Variants in MAP2 observed in about 807,000 individuals in gnomAD.
The protein encoded by MAP2 is microtubule associated protein 2.
Under a neutral mutation model 137.6 loss-of-function variants are expected in MAP2, and 14 were observed. The observed-to-expected ratio is 0.10, with a 90% CI of 0.07 to 0.16. MAP2 has a LOEUF of 0.16. Ranked by LOEUF, MAP2 falls within the 10% of genes least tolerant of loss-of-function variation. The probability of loss-of-function intolerance (pLI) is 1.00; values close to 1 mark genes in which losing one functional copy is unlikely to be tolerated. For synonymous variants in MAP2, 786 were observed against 782.3 expected (o/e 1.00, Z -0.08); for missense variants, 2,088 against 2,191.5 (o/e 0.95, Z 0.94).
At chr2:209,505,265 T>C (rs895126462) in intron 1 of MAP2, among the ~76,000 whole-genome samples, 1 of 152,162 alleles carries the variant, frequency 6.6e-6, no homozygotes, top group Admixed American at 6.6e-5. Context: ...TAACATAATA[T>C]GTTTAAGTCC....
intron 1 of MAP2, among the ~76,000 whole-genome samples, chr2:209,454,166 A>G (rs1313394245): frequency 2.0e-5 from 3 of 151,164 alleles, no homozygotes; most frequent in African/African-American, 7.3e-5. Context: ...AAAAAAAAAA[A>G]AAAAAAAAAA....
chr2:209,579,748 A>T (rs2075978243), intron 2 of MAP2: 1 of 152,184 alleles, frequency 6.6e-6, no homozygotes, highest in Non-Finnish European at 1.5e-5. Flanking sequence ...ATTGCTGCAT[A>T]TGCGCTGGTA....
intron 3 of MAP2, among the ~76,000 whole-genome samples, chr2:209,621,641 A>G (rs2091232989): frequency 6.6e-6 from 1 of 152,166 alleles, no homozygotes; most frequent in African/African-American, 2.4e-5. Flanking sequence ...GAAGGAAACT[A>G]AAGAGTATAT....
At chr2:209,550,508 C>G (rs2068958200) in intron 2 of MAP2, among the ~76,000 whole-genome samples, 1 of 152,046 alleles carries the variant, frequency 6.6e-6, no homozygotes, top group Non-Finnish European at 1.5e-5. Flanking sequence ...AATTCCTACA[C>G]TTGATATTTA....
At chr2:209,677,006 G>C (rs1217632596) in intron 5 of MAP2, among the ~76,000 whole-genome samples, 1 of 151,134 alleles carries the variant, frequency 6.6e-6, no homozygotes, top group East Asian at 1.9e-4. Flanking sequence ...ATTTTCTGTA[G>C]CCCTTTTTGT....
rs1400032961 is a variant in MAP2 at position 209,693,972 on chromosome 2, G to A, written c.1802G>A (p.Ser601Asn). The part of the protein sequence containing the change: ...DYYELSDTRE[S>N]VHESIDTMSP... Reference sequence around the variant, plus strand: ...TATGAACTGAGTGACACTAGAGAAAGTGTCCATGAGTCTATTGATACCATG... The same window carrying A: ...TATGAACTGAGTGACACTAGAGAAAATGTCCATGAGTCTATTGATACCATG... Residue 601 changes from serine (S) to asparagine (N), a missense_variant, in exon 8 of 16, where the codon AGT (serine) becomes AAT (asparagine). Around this residue, in one of 6 missense-constraint regions of MAP2, gnomAD observed 859 missense variants for 794.5 expected, o/e 1.08. Coordinates refer to ENST00000682079, the MANE Select transcript of MAP2 (RefSeq NM_001375505.1). 6.2e-7 allele frequency: 1 copy of A among 1,613,780 alleles called. No individual in the cohort carries two copies. The highest frequency in any genetic ancestry group is 1.3e-5 in the African/African-American group (1 of 74,882).
At chr2:209,702,617 G>A (rs984636332) in intron 11 of MAP2, among the ~76,000 whole-genome samples, 2 of 151,858 alleles carry the variant, frequency 1.3e-5, no homozygotes, top group African/African-American at 4.8e-5. Flanking sequence ...TGCATTTCAC[G>A]TGGGTTTTTC....
chr2:209,636,066 T>C (rs1432072635), intron 4 of MAP2, among the ~76,000 whole-genome samples: 1 of 152,144 alleles, frequency 6.6e-6, no homozygotes, highest in Non-Finnish European at 1.5e-5. Context: ...TTTACTCTTT[T>C]CTTTTATCAC....
At chr2:209,520,348 CTT>C (rs1437889871) in intron 2 of MAP2, among the ~76,000 whole-genome samples, 1 of 152,062 alleles carries the variant, frequency 6.6e-6, no homozygotes, top group East Asian at 1.9e-4. Flanking sequence ...TTTCCTCACA[CTT>C]TTTCCTAAAA....
chr2:209,536,938 T>C (rs1426189511), intron 2 of MAP2, among the ~76,000 whole-genome samples: 5 of 152,200 alleles, frequency 3.3e-5, no homozygotes, highest in Non-Finnish European at 7.3e-5. Flanking sequence ...TCATTATGTG[T>C]GTACATACTG....
rs1464171798 is a variant in MAP2 at position 209,435,967 on chromosome 2, ATATATAATATATACAGTATATAT to A, written c.-222+11698_-222+11720del. Among the ~76,000 whole-genome samples, 118 of 135,372 alleles carry A rather than the reference ATATATAATATATACAGTATATAT, an allele frequency of 8.7e-4. 1 individual carries two copies. Among genetic ancestry groups the A allele is most frequent in the Non-Finnish European group, 1.5e-3 (95 of 64,542 alleles). The allele number at this position is 135,372 out of a possible 152,430, so 88.8% of individuals were successfully genotyped here. ...ATATACTATATATACAGTATATATT[ATATATAATATATACAGTATATAT>A]TATATACTATATATACAGTATATAT... On this transcript the variant is annotated intron_variant, in intron 1 of 15. Coordinates refer to ENST00000682079, the MANE Select transcript of MAP2 (RefSeq NM_001375505.1).
intron 2 of MAP2, among the ~76,000 whole-genome samples, chr2:209,555,822 A>G (rs2070432268): frequency 6.6e-6 from 1 of 152,114 alleles, no homozygotes; most frequent in South Asian, 2.1e-4. Context: ...GAGAATGCCA[A>G]TATTCTACTC....
intron 2 of MAP2, among the ~76,000 whole-genome samples, chr2:209,552,143 C>T (rs1264400479): frequency 2.0e-5 from 3 of 152,148 alleles, no homozygotes; most frequent in Non-Finnish European, 4.4e-5. Context: ...TCTTTCTCTA[C>T]TGTAAAATGT....
At chr2:209,506,392 C>T (rs563661160) in intron 1 of MAP2, among the ~76,000 whole-genome samples, 2 of 152,236 alleles carry the variant, frequency 1.3e-5, no homozygotes, top group South Asian at 4.1e-4. Context: ...AGTTTTTGGG[C>T]TTAGCATAGG....
chr2:209,525,998 A>G lies in MAP2; in HGVS notation c.-172+18357A>G, dbSNP rs552956925. Among the ~76,000 whole-genome samples the G allele has an allele frequency of 5.9e-4, 90 of 152,114 alleles. 1 individual carries two copies. Among genetic ancestry groups the G allele is most frequent in the African/African-American group, 2.0e-3 (85 of 41,510 alleles). On this transcript the variant is annotated intron_variant, in intron 2 of 15. Coordinates refer to ENST00000682079, the MANE Select transcript of MAP2 (RefSeq NM_001375505.1). The stretch of plus-strand genomic sequence containing the variant: ...TTCTGTTTCTTTTTTTTCTGGGTAG[A>G]AGAATTTTTGTGTTTTTCATTTTGT...
chr2:209,733,430 G>A lies in MAP2; in HGVS notation c.*3033G>A, dbSNP rs906558480. On this transcript the variant is annotated 3_prime_UTR_variant, in exon 16 of 16. Coordinates refer to ENST00000682079, the MANE Select transcript of MAP2 (RefSeq NM_001375505.1). ...GGCTGAAGAGAGAATGCCATTAAAT[G>A]GAAGAATGTACTGATTGTAGTGACC... 1 of 147,784 alleles carries A rather than the reference G, an allele frequency of 6.8e-6. No homozygotes were observed. 9.2% of individuals were successfully genotyped at this position (147,784 alleles called of 1,614,324 possible).
At chr2:209,463,055 T>G (rs2149612354) in intron 1 of MAP2, among the ~76,000 whole-genome samples, 1 of 152,236 alleles carries the variant, frequency 6.6e-6, no homozygotes, top group African/African-American at 2.4e-5. Flanking sequence ...TGTCTTCATC[T>G]TCAAGACACA....
intron 11 of MAP2, among the ~76,000 whole-genome samples, chr2:209,702,614 C>T (rs1477686270): frequency 6.6e-6 from 1 of 151,936 alleles, no homozygotes; most frequent in East Asian, 1.9e-4. Flanking sequence ...TCCTGCATTT[C>T]ACGTGGGTTT....
At chr2:209,641,744 G>T (rs1301129545) in intron 4 of MAP2, among the ~76,000 whole-genome samples, 1 of 151,708 alleles carries the variant, frequency 6.6e-6, no homozygotes, top group East Asian at 1.9e-4. Context: ...AAGCTCTAAA[G>T]CATTTTAAAT....
Sources: gnomAD v4.1 joint callset for allele counts (sites outside exome capture counted in the v4.1 genomes callset) on GRCh38, gnomAD v4.1.1 for gene constraint, gnomAD v4.1.1 regional missense constraint, MANE v1.5 for transcripts, NCBI Gene and HGNC (gene_info 2026-07-23, HGNC 2026-07-21) for gene names.